YES1: variants seen among roughly 807,000 people sequenced by gnomAD.
YES1 encodes the protein tyrosine-protein kinase Yes.
YES1 carries 39 observed loss-of-function variants against 70.4 expected under a neutral mutation model. That is an observed-to-expected ratio of 0.55 (90% CI 0.43 to 0.72). The LOEUF (loss-of-function observed/expected upper bound fraction) is 0.72. YES1 is among the 30% of genes least tolerant of loss of function. The pLI, the probability that YES1 is intolerant of heterozygous loss-of-function variation, is 0.00. For synonymous variants in YES1, 198 were observed against 218.6 expected, an observed-to-expected ratio of 0.91 and a Z score of 0.83; for missense variants, 495 against 644.8, an observed-to-expected ratio of 0.77 and a Z score of 2.52.
intron 11 of YES1, among the ~76,000 whole-genome samples, chr18:727,201 TG>T (rs2080031295): frequency 6.6e-6 from 1 of 152,302 alleles, no homozygotes; most frequent in East Asian, 1.9e-4. Context: ...GTTTCCCTGT[TG>T]AACTGACCCT....
chr18:746,991 G>C (rs1354471807), intron 4 of YES1, among the ~76,000 whole-genome samples: 1 of 152,166 alleles, frequency 6.6e-6, no homozygotes, highest in Non-Finnish European at 1.5e-5. Context: ...AAATACTTCA[G>C]TGTGTACTTG....
chr18:745,967 TCTTA>T lies in YES1; in HGVS notation c.551_554del (p.Val184GlufsTer20), dbSNP rs765366963. 5 of 1,612,900 alleles carry T rather than the reference TCTTA, an allele frequency of 3.1e-6. No homozygotes were observed. The highest frequency in any genetic ancestry group is 1.3e-5 in the African/African-American group (1 of 75,026). On this transcript the variant is annotated frameshift_variant, in exon 5 of 12. Transcript: ENST00000314574. LOFTEE classifies it high-confidence loss of function. ...TCATACCTTTAGTTGTTTCACTCTCTCTTACTAAGAAAATACCTCGTTGATTTCC... is the reference window on the plus strand; with the variant it reads ...TCATACCTTTAGTTGTTTCACTCTCTCTAAGAAAATACCTCGTTGATTTCC...
chr18:753,940 C>G (rs900905293), intron 2 of YES1, among the ~76,000 whole-genome samples: 2 of 152,172 alleles, frequency 1.3e-5, no homozygotes, highest in Non-Finnish European at 2.9e-5. Context: ...GAGTCCATTA[C>G]TAGTGCTATC....
At chr18:734,606 C>G (rs749424791) in intron 10 of YES1, among the ~76,000 whole-genome samples, 12 of 151,778 alleles carry the variant, frequency 7.9e-5, no homozygotes, top group Non-Finnish European at 1.8e-4. Flanking sequence ...CATACAACAT[C>G]ACTAATCATC....
chr18:810,514 A>G (rs9958540), intron 1 of YES1, among the ~76,000 whole-genome samples: 66,001 of 152,030 alleles, frequency 0.43, 15,831 homozygotes, highest in African/African-American at 0.64. Context: ...AAACCTAACT[A>G]CGAAATTAAA....
At chr18:753,769 A>G (rs1021550650) in intron 2 of YES1, among the ~76,000 whole-genome samples, 2 of 152,212 alleles carry the variant, frequency 1.3e-5, no homozygotes, top group Admixed American at 6.5e-5. Flanking sequence ...TAAAGGTGTG[A>G]GCCACCCTGC....
chr18:727,360 T>C (rs547964659), intron 11 of YES1, among the ~76,000 whole-genome samples: 63 of 152,326 alleles, frequency 4.1e-4, no homozygotes, highest in Non-Finnish European at 7.5e-4. Context: ...TTAAAGTATG[T>C]ATCTTATAAA....
At chr18:764,743 T>G (rs968097277) in intron 1 of YES1, among the ~76,000 whole-genome samples, 1 of 151,494 alleles carries the variant, frequency 6.6e-6, no homozygotes, top group Non-Finnish European at 1.5e-5. Context: ...TTTTTCTCTC[T>G]TTTTTTTGAG....
intron 1 of YES1, among the ~76,000 whole-genome samples, chr18:766,571 T>G (rs948259715): frequency 1.3e-5 from 2 of 151,674 alleles, no homozygotes; most frequent in Admixed American, 1.3e-4. Context: ...GAAAAGATAA[T>G]CATCAACTTC....
chr18:812,400 C>T (rs1414994066), upstream of YES1: 1 of 151,894 alleles, frequency 6.6e-6, no homozygotes, highest in South Asian at 2.1e-4. Context: ...GCGCCGCCGT[C>T]CGCTCACCGG....
At chr18:741,464 G>C (rs1190067117) in intron 8 of YES1, among the ~76,000 whole-genome samples, 1 of 152,038 alleles carries the variant, frequency 6.6e-6, no homozygotes, top group East Asian at 1.9e-4. Context: ...CAGCCACCAT[G>C]CCTGGCCCTC....
At chr18:776,256 C>CAA (rs1255774365) in intron 1 of YES1, among the ~76,000 whole-genome samples, 1 of 151,098 alleles carries the variant, frequency 6.6e-6, no homozygotes, top group Non-Finnish European at 1.5e-5. Flanking sequence ...TGCAGTGATG[C>CAA]AATCTTGGCT....
At chr18:727,976 G>A (rs372370674) in intron 11 of YES1, among the ~76,000 whole-genome samples, 2 of 152,046 alleles carry the variant, frequency 1.3e-5, no homozygotes, top group South Asian at 4.1e-4. Flanking sequence ...GATTTTTTTG[G>A]ATTTTGGAAT....
chr18:811,414 TG>T (rs995448415), intron 1 of YES1, among the ~76,000 whole-genome samples: 15 of 152,132 alleles, frequency 9.9e-5, no homozygotes, highest in African/African-American at 3.6e-4. Context: ...CTCTGCCCCA[TG>T]CCCAATAAAG....
intron 1 of YES1, among the ~76,000 whole-genome samples, chr18:795,745 G>T (rs1196777420): frequency 1.3e-5 from 2 of 150,706 alleles, no homozygotes; most frequent in African/African-American, 2.5e-5. Flanking sequence ...TCACACACTG[G>T]GGCCTGTTAG....
chr18:756,945 G>C (rs1032520837), intron 1 of YES1, 110 bp from the exon 2 acceptor site: 53 of 1,087,244 alleles, frequency 4.9e-5, no homozygotes, highest in Non-Finnish European at 5.5e-5. Flanking sequence ...CTGCAAAAAG[G>C]AACATAAACA....
At chr18:753,118 T>C (rs1369636523) in intron 2 of YES1, among the ~76,000 whole-genome samples, 6 of 152,114 alleles carry the variant, frequency 3.9e-5, no homozygotes, top group African/African-American at 7.2e-5. Flanking sequence ...ATGCATGACA[T>C]CTCAGTGTTA....
intron 3 of YES1, among the ~76,000 whole-genome samples, chr18:750,991 T>C (rs1221799518): frequency 2.6e-5 from 4 of 152,208 alleles, no homozygotes; most frequent in Non-Finnish European, 4.4e-5. Context: ...TGATTGTTGT[T>C]ATCATTGTCG....
At chr18:806,605 C>A (rs964308061) in intron 1 of YES1, among the ~76,000 whole-genome samples, 1 of 152,192 alleles carries the variant, frequency 6.6e-6, no homozygotes, top group African/African-American at 2.4e-5. Context: ...AAGGGCTGTT[C>A]TCAAAGATTG....
Sources: allele counts gnomAD v4.1 joint callset (sites outside exome capture counted in the v4.1 genomes callset), GRCh38; gene constraint gnomAD v4.1.1; transcripts MANE v1.5; gene names NCBI Gene and HGNC (gene_info 2026-07-23, HGNC 2026-07-21).